Variants in GATC observed in about 807,000 individuals in gnomAD.
GATC encodes glutamyl-tRNA amidotransferase subunit C.
GATC carries 11 observed loss-of-function variants against 14.4 expected under a neutral mutation model. The observed-to-expected ratio is 0.77, with a 90% CI of 0.48 to 1.27. The LOEUF is 1.27. Among genes scored for constraint, GATC ranks in the 50% most tolerant of loss-of-function variants. GATC has a pLI of 0.00. For synonymous variants in GATC, 76 were observed against 79.3 expected, an observed-to-expected ratio of 0.96 and a Z score of 0.22; for missense variants, 204 against 183.0, an observed-to-expected ratio of 1.11 and a Z score of -0.66.
At chr12:120,451,846 A>G (rs1878054252) in intron 2 of GATC, among the ~76,000 whole-genome samples, 1 of 150,708 alleles carries the variant, frequency 6.6e-6, no homozygotes. Context: ...GTATGCTTAC[A>G]TGCCAGGGGC....
At chr12:120,452,948 G>A (rs886396950) in intron 2 of GATC, among the ~76,000 whole-genome samples, 6 of 152,018 alleles carry the variant, frequency 3.9e-5, no homozygotes, top group Non-Finnish European at 7.4e-5. Context: ...CACCCCCTTC[G>A]GCCTCCTGAA....
intron 2 of GATC, among the ~76,000 whole-genome samples, chr12:120,447,560 C>CT (rs771853579): frequency 2.1e-4 from 32 of 152,148 alleles, no homozygotes; most frequent in Non-Finnish European, 3.4e-4. Flanking sequence ...CTGCCTCCCT[C>CT]TTGGCACAGG....
intron 2 of GATC, among the ~76,000 whole-genome samples, chr12:120,451,891 T>C (rs1294256466): frequency 3.6e-5 from 5 of 139,730 alleles, no homozygotes; most frequent in African/African-American, 1.1e-4. Context: ...TTTTTTTTTT[T>C]TTTTGAGCTG....
At chr12:120,447,866 C>T (rs142840760) in intron 2 of GATC, among the ~76,000 whole-genome samples, 18 of 152,122 alleles carry the variant, frequency 1.2e-4, no homozygotes, top group East Asian at 3.9e-4. Flanking sequence ...AGAGAGCCTC[C>T]CATCTCAGCC....
intron 3 of GATC, among the ~76,000 whole-genome samples, chr12:120,457,532 G>T (rs533679379): frequency 6.0e-5 from 9 of 150,210 alleles, no homozygotes; most frequent in African/African-American, 2.2e-4. Context: ...TTCATACCAT[G>T]AATAAATATT....
chr12:120,455,105 A>C, intron 2 of GATC: 1 of 284,616 alleles, frequency 3.5e-6, no homozygotes, highest in Non-Finnish European at 7.8e-6. Flanking sequence ...ATGGTCTCGA[A>C]CTCCTGACCT....
At chr12:120,447,242 A>AT (rs945377209) in intron 2 of GATC, among the ~76,000 whole-genome samples, 33 of 151,098 alleles carry the variant, frequency 2.2e-4, no homozygotes, top group African/African-American at 2.9e-4. Context: ...GGCCCGGCTT[A>AT]TTTTTTTTGT....
intron 2 of GATC, among the ~76,000 whole-genome samples, chr12:120,456,664 C>T (rs1237792684): frequency 1.3e-5 from 2 of 152,184 alleles, no homozygotes; most frequent in South Asian, 2.1e-4. Context: ...TCTTGCCCAT[C>T]CTTGAACAGT....
chr12:120,457,213 C>A, intron 3 of GATC, 34 bp downstream of exon 3: 1 of 1,425,832 alleles, frequency 7.0e-7, no homozygotes, highest in African/African-American at 1.4e-5. Context: ...AACAGATAGT[C>A]TCACAGTAAC....
At chr12:120,448,604 C>T (rs532658631) in intron 2 of GATC, among the ~76,000 whole-genome samples, 20 of 142,132 alleles carry the variant, frequency 1.4e-4, no homozygotes, top group East Asian at 2.1e-4. Context: ...GCTGGGATTA[C>T]AGGTATGAGT....
chr12:120,462,339 TC>T lies in GATC; in HGVS notation c.*2383del. Reference sequence around the variant, plus strand: ...CATTATGAGGTAGGTACTCTTACTATCCCATTTCAAGAATGAAGAAAATTAA... The same window carrying T: ...CATTATGAGGTAGGTACTCTTACTATCCATTTCAAGAATGAAGAAAATTAA... On this transcript the variant is annotated 3_prime_UTR_variant, in exon 4 of 4. Transcript: ENST00000551765. The T allele has an allele frequency of 1.8e-6, 1 of 547,832 alleles. No homozygotes were observed. Among genetic ancestry groups the T allele is most frequent in the Non-Finnish European group, 3.0e-6 (1 of 335,548 alleles). 33.9% of individuals were successfully genotyped at this position (547,832 alleles called of 1,614,324 possible). A position where few individuals can be genotyped will look rare whatever the true frequency, so the allele number is the denominator to read the frequency against.
chr12:120,456,110 C>T lies in GATC; in HGVS notation c.255-966C>T, dbSNP rs189329409. Among the ~76,000 whole-genome samples the T allele has an allele frequency of 1.9e-3, 293 of 152,328 alleles. 2 individuals are homozygous for T. The highest frequency in any genetic ancestry group is 0.018 in the Admixed American group (269 of 15,294). On this transcript the variant is annotated intron_variant, in intron 2 of 3. Transcript: ENST00000551765. The stretch of plus-strand genomic sequence containing the variant: ...CTGTGCCCACTCAAAGCAGGAGGAG[C>T]GTGGCTACTACCGAATACCATATCA...
chr12:120,446,517 C>T lies in GATC; in HGVS notation c.37C>T (p.Pro13Ser), dbSNP rs1877867800. ...GTTGGTGTGGCTGGGCCTTCGGGCC[C>T]CTCTGGGCGGGCGCCAGGGCTTCAC... ...SRLVWLGLRA[P>S]LGGRQGFTSK... The change falls in exon 1 of 4, where the codon CCT becomes TCT. Residue 13 changes from proline (P) to serine (S), a missense_variant. By Grantham distance (74) the Pro-to-Ser change is moderately conservative. Coordinates refer to ENST00000551765, the MANE Select transcript of GATC (RefSeq NM_176818.3). 1 of 1,605,776 alleles carries T rather than the reference C, an allele frequency of 6.2e-7. No individual in the cohort carries two copies. The highest frequency in any genetic ancestry group is 8.5e-7 in the Non-Finnish European group (1 of 1,175,424).
At position 120,446,663 on chromosome 12, in the gene GATC, G is replaced by A; in HGVS notation, c.88G>A (p.Gly30Ser). ...FTSKADPQGS[G>S]RITAAVIEHL... The stretch of plus-strand genomic sequence containing the variant: ...CGCCTCATCCCTCCTCCAGGGCAGT[G>A]GCCGGATCACGGCTGCGGTGATCGA... Residue 30 changes from glycine to serine, a missense_variant, in exon 2 of 4, where the codon GGC becomes AGC. Transcript: ENST00000551765. 1.6e-5 allele frequency: 25 copies of A among 1,611,472 alleles called. No homozygotes were observed. The highest frequency in any genetic ancestry group is 2.0e-5 in the Non-Finnish European group (24 of 1,178,858).
In GATC at chr12:120,463,594, T is replaced by G. The variant is rs1592991040; in HGVS notation, c.*3635T>G. The G allele has an allele frequency of 5.9e-6, 1 of 168,736 alleles. No homozygotes were observed. Among genetic ancestry groups the G allele is most frequent in the Non-Finnish European group, 1.3e-5 (1 of 78,338 alleles). 10.5% of individuals were successfully genotyped at this position (168,736 alleles called of 1,614,324 possible). ...GCTCAGCCTGGACCCACAGGAGGGGTAGTTGAGTTCACAGAGGGATACTGC... is the reference window on the plus strand; with the variant it reads ...GCTCAGCCTGGACCCACAGGAGGGGGAGTTGAGTTCACAGAGGGATACTGC... On this transcript the variant is annotated 3_prime_UTR_variant, in exon 4 of 4. Coordinates refer to ENST00000551765, the MANE Select transcript of GATC (RefSeq NM_176818.3).
rs1459351343 is a variant in GATC at position 120,462,084 on chromosome 12, C to T, written c.*2125C>T. On this transcript the variant is annotated 3_prime_UTR_variant, in exon 4 of 4. Transcript: ENST00000551765. ...CTGCTTTGGTATGGAGAGTCACGGC[C>T]CCTTGACCCAGACCGAGACCGTGAG... 1 of 1,611,946 alleles carries T rather than the reference C, an allele frequency of 6.2e-7. No homozygotes were observed.
At chr12:120,457,229 G>C (rs765998335) in intron 3 of GATC, 50 bp downstream of exon 3, 2 of 1,333,708 alleles carry the variant, frequency 1.5e-6, no homozygotes, top group African/African-American at 1.4e-5. Context: ...GTAACCTTAG[G>C]AATGAAGCAG....
chr12:120,446,919 T>C, intron 2 of GATC, 90 bp downstream of exon 2: 1 of 1,292,880 alleles, frequency 7.7e-7, no homozygotes, highest in Non-Finnish European at 1.1e-6. Flanking sequence ...TCCAGGGGGT[T>C]AAAGAGTGTT....
chr12:120,453,235 A>G (rs1878097613), intron 2 of GATC, among the ~76,000 whole-genome samples: 2 of 152,204 alleles, frequency 1.3e-5, no homozygotes, highest in South Asian at 4.1e-4. Flanking sequence ...CTGTTGCCAC[A>G]GCACTTTCCA....
Sources: allele counts gnomAD v4.1 joint callset (sites outside exome capture counted in the v4.1 genomes callset), GRCh38; gene constraint gnomAD v4.1.1; transcripts MANE v1.5; gene names NCBI Gene and HGNC (gene_info 2026-07-23, HGNC 2026-07-21).